Variants in ALDH3B2 observed in about 807,000 individuals in gnomAD.
ALDH3B2 encodes the protein aldehyde dehydrogenase family 3 member B2.
A neutral mutation model predicts 36.7 loss-of-function variants in ALDH3B2; 45 were observed. That is an observed-to-expected ratio of 1.23 (90% CI 0.97 to 1.57). The LOEUF (loss-of-function observed/expected upper bound fraction) is 1.57. Ranked by LOEUF, ALDH3B2 falls within the 40% of genes most tolerant of loss-of-function variation. The probability of loss-of-function intolerance (pLI) is 0.00; values close to 1 mark genes in which losing one functional copy is unlikely to be tolerated. For synonymous variants in ALDH3B2, 217 were observed against 226.5 expected (o/e 0.96, Z 0.38); for missense variants, 464 against 513.3 (o/e 0.90, Z 0.93).
chr11:67,670,847 G>A (rs945863793), intron 1 of ALDH3B2, among the ~76,000 whole-genome samples: 1 of 152,228 alleles, frequency 6.6e-6, no homozygotes, highest in Non-Finnish European at 1.5e-5. Context: ...CAGCATACAG[G>A]GCTCTGCAAA....
chr11:67,664,619 G>T, intron 7 of ALDH3B2, 57 bp from the exon 8 acceptor site: 2 of 1,595,914 alleles, frequency 1.3e-6, no homozygotes, highest in East Asian at 2.2e-5. Context: ...GCCCCCAGGG[G>T]TAGGGTAGAG....
At chr11:67,672,082 T>TAC (rs2080477894) in intron 1 of ALDH3B2, among the ~76,000 whole-genome samples, 2 of 95,632 alleles carry the variant, frequency 2.1e-5, no homozygotes, top group African/African-American at 4.2e-5. Flanking sequence ...TATATATATA[T>TAC]ATATATGTAT....
At chr11:67,677,789 A>G (rs909068321), upstream of ALDH3B2, among the ~76,000 whole-genome samples, 3 of 152,212 alleles carry the variant, frequency 2.0e-5, no homozygotes, top group African/African-American at 7.2e-5. Context: ...ACAAATCAGT[A>G]GCTCTTCTAT....
intron 1 of ALDH3B2, among the ~76,000 whole-genome samples, chr11:67,671,547 C>CTTTTTTTTTTTTTTTTTTTTT: frequency 1.0e-5 from 1 of 97,660 alleles, no homozygotes; most frequent in African/African-American, 3.4e-5. Context: ...GCCTCCCCCC[C>CTTTTTTTTTTTTTTTTTTTTT]CTTTTTTTTT....
chr11:67,664,442 C>T (rs200401874), exon 8 of ALDH3B2: 48 of 1,613,992 alleles, frequency 3.0e-5, no homozygotes, highest in African/African-American at 1.1e-4. Flanking sequence ...CTTCTCCTGC[C>T]GGTTGATGAA....
exon 7 of ALDH3B2, chr11:67,665,434 G>T (rs1364151428): frequency 1.2e-6 from 2 of 1,613,950 alleles, no homozygotes; most frequent in Non-Finnish European, 1.7e-6. Flanking sequence ...ACGGGTGATG[G>T]TGCTCTGCAG....
At chr11:67,666,398 C>G (rs1551888) in exon 5 of ALDH3B2, 2 of 1,606,456 alleles carry the variant, frequency 1.2e-6, no homozygotes, top group East Asian at 2.3e-5. Context: ...CACCACGCAA[C>G]TCCCTGCAGG....
intron 9 of ALDH3B2, 24 bp from the exon 10 acceptor site, chr11:67,663,423 G>A (rs1174844479): frequency 6.3e-7 from 1 of 1,597,148 alleles, no homozygotes; most frequent in East Asian, 2.3e-5. Context: ...GAGAACAAGG[G>A]CCTGAGACCA....
intron 1 of ALDH3B2, chr11:67,671,195 C>T (rs76415628): frequency 0.03 from 4,513 of 152,442 alleles, 213 homozygotes; most frequent in African/African-American, 0.098. Flanking sequence ...CTGGCCTCAG[C>T]GTGGTCACAG....
chr11:67,666,847 T>C, intron 3 of ALDH3B2, 59 bp downstream of exon 3: 1 of 1,613,236 alleles, frequency 6.2e-7, no homozygotes, highest in Non-Finnish European at 8.5e-7. Context: ...GAAGGGGGCC[T>C]GGGCCAGAGC....
At position 67,667,600 on chromosome 11, in the gene ALDH3B2, C is replaced by T. The variant is rs995559999; in HGVS notation, c.-209G>A. The T allele has an allele frequency of 2.8e-5, 10 of 351,658 alleles. No homozygotes were observed. Among genetic ancestry groups the T allele is most frequent in the Non-Finnish European group, 4.9e-5 (10 of 204,200 alleles). 21.8% of individuals were successfully genotyped at this position (351,658 alleles called of 1,614,324 possible). ...CGTGCGCCCTCAGTTGAAGGCCTCA[C>T]GCAGCCGCCGCAGCGTGTCCTCGAA... On this transcript the variant is annotated 5_prime_UTR_variant, in exon 2 of 10. It adds an upstream start codon to the 5' untranslated region. Transcript: ENST00000349015.
chr11:67,663,227 G>A (rs3741172), exon 10 of ALDH3B2: 147,905 of 1,609,204 alleles, frequency 0.092, 7,457 homozygotes, highest in Middle Eastern at 0.1. Flanking sequence ...ACAGGAGGGT[G>A]CAGCTCTGGG....
intron 8 of ALDH3B2, 124 bp from the exon 9 acceptor site, chr11:67,663,885 A>C: frequency 4.0e-6 from 3 of 743,134 alleles, no homozygotes; most frequent in Non-Finnish European, 6.4e-6. Flanking sequence ...ACGGGCAATA[A>C]TCTCCGCTCT....
At chr11:67,665,801 C>T (rs888611373) in intron 6 of ALDH3B2, 130 bp from the exon 7 acceptor site, 2 of 1,370,512 alleles carry the variant, frequency 1.5e-6, no homozygotes, top group African/African-American at 1.5e-5. Flanking sequence ...GTGAGGAGAC[C>T]CCATCCTCAA....
rs1217604007 is a variant in ALDH3B2 at position 67,664,468 on chromosome 11, C to G, written c.801G>C (p.Val267=). The G allele has an allele frequency of 5.6e-6, 9 of 1,614,036 alleles. No individual in the cohort carries two copies. In the African/African-American group the frequency reaches 1.1e-4, roughly 19 times the overall value. Reference sequence around the variant, plus strand: ...GGTTGATGAACTTGATGGCCTCGTCCACGCTCTGCACGTTCACGATGGGCA... The same window carrying G: ...GGTTGATGAACTTGATGGCCTCGTCGACGCTCTGCACGTTCACGATGGGCA... Residue 267 remains valine, a synonymous_variant, in exon 8 of 10, where the codon GTG becomes GTC. Transcript: ENST00000349015.
intron 4 of ALDH3B2, 21 bp from the exon 5 acceptor site, chr11:67,666,422 G>A (rs749352042): frequency 6.2e-6 from 10 of 1,607,392 alleles, no homozygotes; most frequent in African/African-American, 2.7e-5. Flanking sequence ...AGATGGGGAC[G>A]TCGTTGGGGG....
intron 1 of ALDH3B2, among the ~76,000 whole-genome samples, chr11:67,680,521 A>T (rs1456602068): frequency 6.6e-6 from 1 of 152,050 alleles, no homozygotes; most frequent in Non-Finnish European, 1.5e-5. Context: ...GGCTCAAGAA[A>T]TCCTCCAGCC....
upstream of ALDH3B2, among the ~76,000 whole-genome samples, chr11:67,677,892 TTAGAA>T (rs1341262784): frequency 6.6e-6 from 1 of 151,824 alleles, no homozygotes; most frequent in African/African-American, 2.4e-5. Flanking sequence ...CAAAACAACT[TTAGAA>T]TATACCTAAA....
At chr11:67,662,733 T>G in exon 10 of ALDH3B2, 1 of 185,862 alleles carries the variant, frequency 5.4e-6, no homozygotes, top group South Asian at 1.1e-4. Context: ...CAGAGACCAG[T>G]GTGGGATGTG....
Sources: allele counts gnomAD v4.1 joint callset (sites outside exome capture counted in the v4.1 genomes callset), GRCh38; gene constraint gnomAD v4.1.1; transcripts MANE v1.5; gene names NCBI Gene and HGNC (gene_info 2026-07-23, HGNC 2026-07-21).